BEND4: variants seen among roughly 807,000 people sequenced by gnomAD.
BEND4 encodes the protein BEN domain containing 4, also known as BEN domain-containing protein 4.
Under a neutral mutation model 54.7 loss-of-function variants are expected in BEND4, and 27 were observed. The observed-to-expected ratio is 0.49, with a 90% CI of 0.36 to 0.68. BEND4 has a LOEUF of 0.68. Among genes scored for constraint, BEND4 ranks in the 30% least tolerant of loss-of-function variants. The pLI, the probability that BEND4 is intolerant of heterozygous loss-of-function variation, is 0.00. For missense variants in BEND4, 702 were observed against 697.2 expected, an observed-to-expected ratio of 1.01 and a Z score of -0.08; for synonymous variants, 327 against 299.5, an observed-to-expected ratio of 1.09 and a Z score of -0.95.
Position 42,115,958 on chromosome 4 carries a change from A to C in BEND4, c.*1560T>G, listed in dbSNP as rs1309342262. On this transcript the variant is annotated 3_prime_UTR_variant, in exon 6 of 6. Coordinates refer to ENST00000502486, the MANE Select transcript of BEND4 (RefSeq NM_207406.4). Reference sequence around the variant, plus strand: ...ACAGATGACCACCTCCATAAACATTAAACTTTTCAATGGATGAATTCTAGT... The same window carrying C: ...ACAGATGACCACCTCCATAAACATTCAACTTTTCAATGGATGAATTCTAGT... 6.6e-6 allele frequency: 1 copy of C among 152,240 alleles called. No individual in the cohort carries two copies. The highest frequency in any genetic ancestry group is 1.5e-5 in the Non-Finnish European group (1 of 68,032). 9.4% of individuals were successfully genotyped at this position (152,240 alleles called of 1,614,324 possible). A position where few individuals can be genotyped will look rare whatever the true frequency, so the allele number is the denominator to read the frequency against.
At chr4:42,131,449 T>C (rs940803585) in intron 3 of BEND4, among the ~76,000 whole-genome samples, 1 of 152,162 alleles carries the variant, frequency 6.6e-6, no homozygotes, top group Non-Finnish European at 1.5e-5. Context: ...TAAAAAGTGT[T>C]TACAGTGGGT....
At position 42,113,998 on chromosome 4, in the gene BEND4, T is replaced by C. The variant is rs1260093004; in HGVS notation, c.*3520A>G. On this transcript the variant is annotated 3_prime_UTR_variant, in exon 6 of 6. Coordinates refer to ENST00000502486, the MANE Select transcript of BEND4 (RefSeq NM_207406.4). ...CGGGTTCAAGGGCTAGAGGAAATAT[T>C]TACAAGTAAATACAGAAAGTACTTG... 2 of 152,186 alleles carry C rather than the reference T, an allele frequency of 1.3e-5. No homozygotes were observed. Among genetic ancestry groups the C allele is most frequent in the Non-Finnish European group, 2.9e-5 (2 of 68,044 alleles). 9.4% of individuals were successfully genotyped at this position (152,186 alleles called of 1,614,324 possible). A position where few individuals can be genotyped will look rare whatever the true frequency, so the allele number is the denominator to read the frequency against.
At chr4:42,135,407 T>A (rs565189048) in intron 3 of BEND4, among the ~76,000 whole-genome samples, 1 of 152,292 alleles carries the variant, frequency 6.6e-6, no homozygotes, top group South Asian at 2.1e-4. Context: ...AAGTTTCCAC[T>A]TATTGAGTGC....
At chr4:42,148,693 T>C (rs1190240749) in intron 2 of BEND4, among the ~76,000 whole-genome samples, 2 of 152,360 alleles carry the variant, frequency 1.3e-5, no homozygotes, top group South Asian at 2.1e-4. Context: ...ACTCAAAAGC[T>C]TGACAGTCAG....
At chr4:42,137,501 C>T (rs1720735170) in intron 3 of BEND4, among the ~76,000 whole-genome samples, 1 of 152,056 alleles carries the variant, frequency 6.6e-6, no homozygotes, top group South Asian at 2.1e-4. Context: ...ACCACAAAAG[C>T]AAAAACAAAT....
chr4:42,124,641 C>T (rs1720204372), intron 4 of BEND4, among the ~76,000 whole-genome samples: 1 of 151,950 alleles, frequency 6.6e-6, no homozygotes, highest in African/African-American at 2.4e-5. Context: ...ACTCTGGTAG[C>T]GGTGGAAGTG....
chr4:42,148,297 G>A (rs1487159072), intron 2 of BEND4, among the ~76,000 whole-genome samples: 1 of 151,998 alleles, frequency 6.6e-6, no homozygotes. Flanking sequence ...CATCAACACA[G>A]CAAAACAGGA....
intron 3 of BEND4, among the ~76,000 whole-genome samples, chr4:42,127,568 A>G (rs1242472042): frequency 6.6e-6 from 1 of 152,228 alleles, no homozygotes; most frequent in Admixed American, 6.5e-5. Context: ...AAATGGAGAC[A>G]GGAAACAGGT....
Position 42,114,091 on chromosome 4 carries a change from T to C in BEND4, c.*3427A>G, listed in dbSNP as rs1719696109. 1.3e-5 allele frequency: 2 copies of C among 152,204 alleles called. No homozygotes were observed. Among genetic ancestry groups the C allele is most frequent in the African/African-American group, 4.8e-5 (2 of 41,452 alleles). 9.4% of individuals were successfully genotyped at this position (152,204 alleles called of 1,614,324 possible). A position where few individuals can be genotyped will look rare whatever the true frequency, so the allele number is the denominator to read the frequency against. On this transcript the variant is annotated 3_prime_UTR_variant, in exon 6 of 6. Coordinates refer to ENST00000502486, the MANE Select transcript of BEND4 (RefSeq NM_207406.4). ...ATGGTTACAGTTTTTCTTGAAAGCA[T>C]TTAACACTAAGGTTAAGCCATGAGA...
chr4:42,131,191 T>A (rs375014191), intron 3 of BEND4, among the ~76,000 whole-genome samples: 215 of 152,292 alleles, frequency 1.4e-3, no homozygotes, highest in African/African-American at 4.8e-3. Flanking sequence ...GTAACAAACC[T>A]GCACATCCTG....
intron 3 of BEND4, among the ~76,000 whole-genome samples, chr4:42,126,564 C>T (rs2153145385): frequency 6.6e-6 from 1 of 152,310 alleles, no homozygotes. Context: ...GAGGCTTAGT[C>T]TTATAGACTC....
In BEND4 at chr4:42,117,677, C is replaced by G; in HGVS notation, c.1446G>C (p.Gln482His). The change falls in exon 6 of 6, where the codon CAG (glutamine) becomes CAC (histidine). Residue 482 changes from glutamine to histidine, a missense_variant. Coordinates refer to ENST00000502486, the MANE Select transcript of BEND4 (RefSeq NM_207406.4). ...NPDWWMPSEEQINKVFSDAVG... is the reference protein window; with the variant it reads ...NPDWWMPSEEHINKVFSDAVG... ...CAGCGTCGCTGAACACTTTGTTTAT[C>G]TGCTCTTCCGAGGGCATCCACCAAT... 6.2e-7 allele frequency: 1 copy of G among 1,610,672 alleles called. No individual in the cohort carries two copies. Among genetic ancestry groups the G allele is most frequent in the Admixed American group, 1.7e-5 (1 of 59,604 alleles).
intron 3 of BEND4, among the ~76,000 whole-genome samples, chr4:42,137,350 T>C (rs997436290): frequency 6.6e-6 from 1 of 152,142 alleles, no homozygotes; most frequent in African/African-American, 2.4e-5. Flanking sequence ...CCTTACAGCA[T>C]ACACAAAAAT....
At position 42,152,601 on chromosome 4, in the gene BEND4, C is replaced by A. The variant is rs1434843471; in HGVS notation, c.-303G>T. ...TCTGGCTACGGCGAGACTTTAGAGA[C>A]CCAGATGTGGACTCGAGGCTTCTGC... On this transcript the variant is annotated 5_prime_UTR_variant, in exon 1 of 6. Transcript: ENST00000502486. The A allele has an allele frequency of 6.5e-6, 1 of 153,994 alleles. No individual in the cohort carries two copies. Among genetic ancestry groups the A allele is most frequent in the Admixed American group, 6.5e-5 (1 of 15,278 alleles). 9.5% of individuals were successfully genotyped at this position (153,994 alleles called of 1,614,324 possible).
At chr4:42,121,085 A>C (rs1421479479) in intron 4 of BEND4, among the ~76,000 whole-genome samples, 2 of 152,204 alleles carry the variant, frequency 1.3e-5, no homozygotes, top group African/African-American at 4.8e-5. Flanking sequence ...TCTACAGTCC[A>C]GGACAAATTA....
At chr4:42,122,413 G>A (rs1313295742) in intron 4 of BEND4, among the ~76,000 whole-genome samples, 1 of 152,226 alleles carries the variant, frequency 6.6e-6, no homozygotes, top group Non-Finnish European at 1.5e-5. Flanking sequence ...TCAGGGTGGA[G>A]TACAGCTCCT....
chr4:42,133,387 T>G (rs948912494), intron 3 of BEND4, among the ~76,000 whole-genome samples: 1 of 152,180 alleles, frequency 6.6e-6, no homozygotes, highest in Non-Finnish European at 1.5e-5. Flanking sequence ...CTTTAAGACA[T>G]TCTATGGTAA....
chr4:42,143,330 T>C (rs1314509715), intron 3 of BEND4, 98 bp downstream of exon 3: 7 of 1,099,392 alleles, frequency 6.4e-6, no homozygotes, highest in South Asian at 2.9e-5. Context: ...CACATACATA[T>C]ACACATACAC....
At chr4:42,124,890 A>T (rs1250584071) in intron 4 of BEND4, among the ~76,000 whole-genome samples, 2 of 152,082 alleles carry the variant, frequency 1.3e-5, no homozygotes, top group Non-Finnish European at 2.9e-5. Context: ...CTGGAAGGAG[A>T]TGGAAGTAGA....
Sources: allele counts gnomAD v4.1 joint callset (sites outside exome capture counted in the v4.1 genomes callset), GRCh38; gene constraint gnomAD v4.1.1; transcripts MANE v1.5; gene names NCBI Gene and HGNC (gene_info 2026-07-23, HGNC 2026-07-21).